LRP5: variants seen among roughly 807,000 people sequenced by gnomAD.
LRP5 encodes low-density lipoprotein receptor-related protein 5.
LRP5 carries 62 observed loss-of-function variants against 154.1 expected under a neutral mutation model. That is an observed-to-expected ratio of 0.40 (90% CI 0.33 to 0.50). The LOEUF (loss-of-function observed/expected upper bound fraction) is 0.50. Ranked by LOEUF, LRP5 falls within the 20% of genes least tolerant of loss-of-function variation. LRP5 has a pLI of 0.55. For synonymous variants in LRP5, 966 were observed against 1,011.5 expected (o/e 0.96, Z 0.85); for missense variants, 1,915 against 2,336.7 (o/e 0.82, Z 3.72).
intron 7 of LRP5, among the ~76,000 whole-genome samples, chr11:68,395,300 CAAA>C (rs1239981628): frequency 4.0e-5 from 3 of 75,838 alleles, no homozygotes; most frequent in Admixed American, 1.3e-4. Context: ...GACTCCATCT[CAAA>C]AAAAAAAAAA....
chr11:68,354,462 T>C (rs962462092), intron 2 of LRP5, among the ~76,000 whole-genome samples: 7 of 152,194 alleles, frequency 4.6e-5, no homozygotes, highest in African/African-American at 1.7e-4. Context: ...CCTGTGTGGA[T>C]TCCCCCCCAA....
chr11:68,316,351 A>C (rs1295985861), intron 1 of LRP5, among the ~76,000 whole-genome samples: 1 of 151,832 alleles, frequency 6.6e-6, no homozygotes, highest in African/African-American at 2.4e-5. Flanking sequence ...GGCTCACTGC[A>C]ACTTCTGCCT....
intron 5 of LRP5, among the ~76,000 whole-genome samples, chr11:68,383,319 T>C (rs2098641286): frequency 6.6e-6 from 1 of 152,146 alleles, no homozygotes; most frequent in South Asian, 2.1e-4. Flanking sequence ...AGGTCAAGCG[T>C]GATTCGTCTT....
intron 12 of LRP5, among the ~76,000 whole-genome samples, chr11:68,414,756 G>T (rs1045596292): frequency 2.0e-5 from 3 of 152,140 alleles, no homozygotes; most frequent in Non-Finnish European, 4.4e-5. Context: ...CGCAGACCTG[G>T]TCGCAGGCGG....
chr11:68,449,261 T>G lies in LRP5; in HGVS notation c.*191T>G. The G allele has an allele frequency of 2.2e-6, 1 of 446,852 alleles. No homozygotes were observed. Among genetic ancestry groups the G allele is most frequent in the Non-Finnish European group, 3.8e-6 (1 of 266,444 alleles). 27.7% of individuals were successfully genotyped at this position (446,852 alleles called of 1,614,324 possible). A position where few individuals can be genotyped will look rare whatever the true frequency, so the allele number is the denominator to read the frequency against. On this transcript the variant is annotated 3_prime_UTR_variant, in exon 23 of 23. Coordinates refer to ENST00000294304, the MANE Select transcript of LRP5 (RefSeq NM_002335.4). ...AGTGGAGAAATATTTATAAACTTAA[T>G]TTTGTAAAACAGAACTGCCATTCTT...
At chr11:68,345,015 A>G (rs574539330) in intron 1 of LRP5, among the ~76,000 whole-genome samples, 1 of 151,670 alleles carries the variant, frequency 6.6e-6, no homozygotes, top group South Asian at 2.1e-4. Flanking sequence ...GGCGCGTGCC[A>G]CCATGCCTTG....
intron 18 of LRP5, among the ~76,000 whole-genome samples, chr11:68,436,221 A>G (rs1412818792): frequency 6.6e-6 from 1 of 152,158 alleles, no homozygotes; most frequent in Admixed American, 6.5e-5. Flanking sequence ...CATTACAAGG[A>G]CAGGGTCCCC....
rs1299158504 is a variant in LRP5, at chr11:68,446,472, T to A, written c.4525T>A (p.Ser1509Thr). ...GCCGCCCTCCCCGGCCACGGACCCCTCCCTGTACAACATGGACATGTTCTA... is the reference window on the plus strand; with the variant it reads ...GCCGCCCTCCCCGGCCACGGACCCCACCCTGTACAACATGGACATGTTCTA... ...NPPPSPATDP[S>T]LYNMDMFYSS... Residue 1509 changes from serine (S) to threonine (T), a missense_variant, in exon 22 of 23, where the codon TCC (serine) becomes ACC (threonine). This residue lies in a region of LRP5 where 1,094 missense variants were observed against 1,210.1 expected (regional missense o/e 0.90). Transcript: ENST00000294304. 1.2e-6 allele frequency: 2 copies of A among 1,614,076 alleles called. No individual in the cohort carries two copies. The highest frequency in any genetic ancestry group is 4.5e-5 in the East Asian group (2 of 44,880).
In LRP5 at chr11:68,424,672, G is replaced by A. The variant is rs77631054; in HGVS notation, c.3237-430G>A. Among the ~76,000 whole-genome samples the A allele has an allele frequency of 4.3e-3, 662 of 152,336 alleles. 4 individuals carry two copies. Among genetic ancestry groups the A allele is most frequent in the African/African-American group, 0.015 (641 of 41,582 alleles). On this transcript the variant is annotated intron_variant, in intron 14 of 22. Transcript: ENST00000294304. Reference sequence around the variant, plus strand: ...CCTGAGGGCTGAAGCCCGAGATCGAGGTGTGGGCAGGGCCCTGCGCCCTCT... The same window carrying A: ...CCTGAGGGCTGAAGCCCGAGATCGAAGTGTGGGCAGGGCCCTGCGCCCTCT...
intron 2 of LRP5, among the ~76,000 whole-genome samples, chr11:68,356,618 G>T (rs113356960): frequency 1.3e-5 from 2 of 152,266 alleles, no homozygotes; most frequent in Non-Finnish European, 1.5e-5. Context: ...GCTGGCTGAC[G>T]CACCATCACC....
At chr11:68,437,506 C>T (rs937888754) in intron 19 of LRP5, among the ~76,000 whole-genome samples, 10 of 152,228 alleles carry the variant, frequency 6.6e-5, no homozygotes, top group Non-Finnish European at 1.5e-4. Context: ...GAAGACTTTC[C>T]AGAGGCAGTG....
chr11:68,302,089 G>A, the LRP5 span, among the ~76,000 whole-genome samples: 3 of 150,988 alleles, frequency 2.0e-5, no homozygotes, highest in Non-Finnish European at 4.4e-5. Flanking sequence ...AGGCACAGTG[G>A]CTCACGCCTG....
intron 1 of LRP5, among the ~76,000 whole-genome samples, chr11:68,346,109 A>G (rs185313547): frequency 6.6e-6 from 1 of 152,274 alleles, no homozygotes; most frequent in African/African-American, 2.4e-5. Context: ...ATTTTCTCTC[A>G]TTCTGTGGGT....
chr11:68,326,568 G>T (rs748006918), intron 1 of LRP5, among the ~76,000 whole-genome samples: 1 of 152,242 alleles, frequency 6.6e-6, no homozygotes, highest in Admixed American at 6.5e-5. Flanking sequence ...GGCCCTGTGC[G>T]CAGTTGGCGC....
the LRP5 span, among the ~76,000 whole-genome samples, chr11:68,304,954 T>G: frequency 6.6e-6 from 1 of 152,138 alleles, no homozygotes; most frequent in African/African-American, 2.4e-5. Flanking sequence ...ACGTTGGACT[T>G]GGGAATGGGA....
chr11:68,346,997 C>G (rs1346072495), intron 1 of LRP5, among the ~76,000 whole-genome samples: 1 of 152,188 alleles, frequency 6.6e-6, no homozygotes, highest in Non-Finnish European at 1.5e-5. Context: ...GCTTCTTGCA[C>G]AGGCAGAAGG....
intron 5 of LRP5, among the ~76,000 whole-genome samples, chr11:68,372,380 C>T (rs596975): frequency 0.22 from 11,429 of 52,158 alleles, 2,486 homozygotes; most frequent in African/African-American, 0.55. Flanking sequence ...GACCCGGGAC[C>T]GTGGTGGTGT....
At chr11:68,303,057 G>C in the LRP5 span, among the ~76,000 whole-genome samples, 1 of 152,234 alleles carries the variant, frequency 6.6e-6, no homozygotes, top group Non-Finnish European at 1.5e-5. Flanking sequence ...CGTGCAGAAA[G>C]AGAGAAGGAG....
intron 17 of LRP5, among the ~76,000 whole-genome samples, chr11:68,430,910 A>T (rs2098671516): frequency 6.6e-6 from 1 of 152,082 alleles, no homozygotes; most frequent in Non-Finnish European, 1.5e-5. Flanking sequence ...GTGAGCCTCC[A>T]CTTCCTCCTC....
Sources: gnomAD v4.1 joint callset for allele counts (sites outside exome capture counted in the v4.1 genomes callset) on GRCh38, gnomAD v4.1.1 for gene constraint, gnomAD v4.1.1 regional missense constraint, MANE v1.5 for transcripts, NCBI Gene and HGNC (gene_info 2026-07-23, HGNC 2026-07-21) for gene names.